Variants in PTPRN2 observed in about 807,000 individuals in gnomAD.
The protein encoded by PTPRN2 is protein tyrosine phosphatase receptor type N2, also known as receptor-type tyrosine-protein phosphatase N2.
A neutral mutation model predicts 118.8 loss-of-function variants in PTPRN2; 74 were observed. That is an observed-to-expected ratio of 0.62 (90% CI 0.52 to 0.76). The LOEUF is 0.76. PTPRN2 is among the 30% of genes least tolerant of loss of function. The pLI is 0.00. For synonymous variants in PTPRN2, 641 were observed against 608.0 expected (o/e 1.05, Z -0.80); for missense variants, 1,481 against 1,394.4 (o/e 1.06, Z -0.99).
intron 12 of PTPRN2, among the ~76,000 whole-genome samples, chr7:157,696,839 C>T (rs1405418569): frequency 9.0e-6 from 1 of 110,594 alleles, no homozygotes; most frequent in Non-Finnish European, 1.8e-5. Flanking sequence ...TGGGTCTTGG[C>T]AGAGCCCTCA....
At chr7:158,012,186 G>T (rs1310845156) in intron 11 of PTPRN2, among the ~76,000 whole-genome samples, 1 of 152,186 alleles carries the variant, frequency 6.6e-6, no homozygotes, top group African/African-American at 2.4e-5. Context: ...TGTTCTTAGT[G>T]TCTGACACGT....
intron 12 of PTPRN2, among the ~76,000 whole-genome samples, chr7:157,715,778 C>G (rs978530180): frequency 1.3e-5 from 2 of 152,258 alleles, no homozygotes; most frequent in African/African-American, 4.8e-5. Context: ...GGAGCACTTA[C>G]ATCTTCAGCA....
intron 11 of PTPRN2, among the ~76,000 whole-genome samples, chr7:157,917,576 T>A (rs1291697778): frequency 1.3e-5 from 2 of 152,236 alleles, no homozygotes; most frequent in Non-Finnish European, 2.9e-5. Flanking sequence ...ATTTTTCAAA[T>A]TATTTTAATT....
chr7:157,614,922 A>G (rs1021913011), intron 15 of PTPRN2, among the ~76,000 whole-genome samples: 2 of 152,226 alleles, frequency 1.3e-5, no homozygotes, highest in African/African-American at 4.8e-5. Context: ...TGCTGTCTCC[A>G]AAGCCTGGGC....
chr7:157,809,431 C>G (rs1418101576), intron 12 of PTPRN2, among the ~76,000 whole-genome samples: 1 of 152,230 alleles, frequency 6.6e-6, no homozygotes, highest in Non-Finnish European at 1.5e-5. Flanking sequence ...TGTGAGCTCC[C>G]GCGTAGGCCC....
intron 5 of PTPRN2, among the ~76,000 whole-genome samples, chr7:158,191,654 G>C (rs1447005926): frequency 6.6e-6 from 1 of 152,126 alleles, no homozygotes; most frequent in Non-Finnish European, 1.5e-5. Context: ...AAGATGTTGA[G>C]TGGGCTTCGC....
At chr7:158,092,132 G>C (rs1242780769) in intron 10 of PTPRN2, among the ~76,000 whole-genome samples, 9 of 151,272 alleles carry the variant, frequency 5.9e-5, no homozygotes, top group Non-Finnish European at 1.2e-4. Flanking sequence ...GGTTGGGTGA[G>C]TGGGTACATG....
intron 3 of PTPRN2, among the ~76,000 whole-genome samples, chr7:158,252,129 C>T (rs1372769499): frequency 6.6e-6 from 1 of 152,166 alleles, no homozygotes; most frequent in Non-Finnish European, 1.5e-5. Context: ...GTTGCCATGG[C>T]AACTCTGCTC....
chr7:157,609,775 C>T lies in PTPRN2; in HGVS notation c.2345-5700G>A, dbSNP rs1183132910. The stretch of plus-strand genomic sequence containing the variant: ...ATGACGGTGGACACGCACCCAACTG[C>T]GCAGGTCAGCCAAGCTGGCAAAGCG... On this transcript the variant is annotated intron_variant, in intron 15 of 22. Transcript: ENST00000389418. This position sits in a 1 kb window ranked among gnomAD's most constrained non-coding sequence, Gnocchi z 4.9. Among the ~76,000 whole-genome samples the T allele has an allele frequency of 1.3e-5, 2 of 152,206 alleles. No homozygotes were observed. The highest frequency in any genetic ancestry group is 1.5e-5 in the Non-Finnish European group (1 of 68,048).
chr7:157,764,769 C>T lies in PTPRN2; in HGVS notation c.1789-81832G>A, dbSNP rs762670399. Among the ~76,000 whole-genome samples the T allele has an allele frequency of 4.6e-5, 7 of 152,122 alleles. No homozygotes were observed. Among genetic ancestry groups the T allele is most frequent in the African/African-American group, 7.2e-5 (3 of 41,404 alleles). On this transcript the variant is annotated intron_variant, in intron 12 of 22. Coordinates refer to ENST00000389418, the MANE Select transcript of PTPRN2 (RefSeq NM_002847.5). This position sits in a 1 kb window ranked among gnomAD's most constrained non-coding sequence, Gnocchi z 4.5. The stretch of plus-strand genomic sequence containing the variant: ...TAAAAAATAAAAGAGTGAGAGACTG[C>T]GTGCCTGGCATACAGCAGGGGACAG...
intron 22 of PTPRN2, among the ~76,000 whole-genome samples, chr7:157,547,124 CT>C (rs771734465): frequency 6.0e-4 from 92 of 152,278 alleles, no homozygotes; most frequent in Non-Finnish European, 1.1e-3. Context: ...GAGGAAACTA[CT>C]TTGAATTTAG....
chr7:157,756,038 A>G (rs998620207), intron 12 of PTPRN2, among the ~76,000 whole-genome samples: 1 of 152,188 alleles, frequency 6.6e-6, no homozygotes, highest in African/African-American at 2.4e-5. Flanking sequence ...CTACCCTGAC[A>G]TTTTATGGGT....
intron 6 of PTPRN2, among the ~76,000 whole-genome samples, chr7:158,151,105 T>TCTATTC (rs1563520802): frequency 6.2e-4 from 9 of 14,422 alleles, no homozygotes; most frequent in Non-Finnish European, 3.4e-4. Context: ...CGCCCGCCTT[T>TCTATTC]CTGCTCCTAC....
chr7:158,328,081 C>T (rs1304343954), intron 2 of PTPRN2, among the ~76,000 whole-genome samples: 1 of 152,334 alleles, frequency 6.6e-6, no homozygotes, highest in African/African-American at 2.4e-5. Flanking sequence ...CTGCCATGCA[C>T]ATTTCTGCAA....
intron 1 of PTPRN2, among the ~76,000 whole-genome samples, chr7:158,500,996 T>TG (rs1822320137): frequency 6.6e-6 from 1 of 152,254 alleles, no homozygotes. Context: ...CGCTGGGAGC[T>TG]GGGCTCTGCG....
At chr7:158,107,864 A>G (rs969824941) in intron 10 of PTPRN2, among the ~76,000 whole-genome samples, 1 of 127,908 alleles carries the variant, frequency 7.8e-6, no homozygotes, top group Non-Finnish European at 1.7e-5. Context: ...CCTCTCACAC[A>G]TGGATCCCTG....
rs1799136427 is a variant in PTPRN2, at chr7:157,560,566, A to G, written c.2902+8336T>C. Reference sequence around the variant, plus strand: ...AACCTGGGGACACCTCACGCCCCACATCCCTCACTGTTTCTCTTGCACCAG... The same window carrying G: ...AACCTGGGGACACCTCACGCCCCACGTCCCTCACTGTTTCTCTTGCACCAG... On this transcript the variant is annotated intron_variant, in intron 21 of 22. Coordinates refer to ENST00000389418, the MANE Select transcript of PTPRN2 (RefSeq NM_002847.5). This position sits in a 1 kb window ranked among gnomAD's most constrained non-coding sequence, Gnocchi z 6.7. Among the ~76,000 whole-genome samples, 1 of 152,126 alleles carries G rather than the reference A, an allele frequency of 6.6e-6. No individual in the cohort carries two copies. The highest frequency in any genetic ancestry group is 2.4e-5 in the African/African-American group (1 of 41,430).
chr7:157,847,450 G>C (rs1484561023), intron 12 of PTPRN2, among the ~76,000 whole-genome samples: 3 of 149,398 alleles, frequency 2.0e-5, no homozygotes, highest in Non-Finnish European at 4.4e-5. Flanking sequence ...TGTCTACAAA[G>C]CCCTCTCTCA....
intron 2 of PTPRN2, among the ~76,000 whole-genome samples, chr7:158,318,956 A>G (rs894779075): frequency 1.3e-5 from 2 of 152,244 alleles, no homozygotes; most frequent in African/African-American, 4.8e-5. Context: ...TCAGCTTTTC[A>G]TAAAGAAAAA....
Sources: gnomAD v4.1 joint callset for allele counts (sites outside exome capture counted in the v4.1 genomes callset) on GRCh38, gnomAD v4.1.1 for gene constraint, Gnocchi (gnomAD v3.1) non-coding constraint, MANE v1.5 for transcripts, NCBI Gene and HGNC (gene_info 2026-07-23, HGNC 2026-07-21) for gene names.